PTPRD: variants seen among roughly 807,000 people sequenced by gnomAD.
PTPRD encodes the protein receptor-type tyrosine-protein phosphatase delta.
PTPRD carries 34 observed loss-of-function variants against 214.5 expected under a neutral mutation model. That is an observed-to-expected ratio of 0.16 (90% CI 0.12 to 0.21). The LOEUF is 0.21. Ranked by LOEUF, PTPRD falls within the 10% of genes least tolerant of loss-of-function variation. The pLI is 1.00. For synonymous variants in PTPRD, 1,128 were observed against 845.7 expected (o/e 1.33, Z -5.79); for missense variants, 2,545 against 2,398.7 (o/e 1.06, Z -1.27).
intron 10 of PTPRD, among the ~76,000 whole-genome samples, chr9:9,048,024 A>G (rs910941438): frequency 9.2e-5 from 14 of 152,204 alleles, no homozygotes; most frequent in African/African-American, 3.4e-4. Context: ...AAATGCATAC[A>G]CATGGCAAAC....
chr9:10,518,734 G>A (rs566298979), intron 2 of PTPRD, among the ~76,000 whole-genome samples: 76 of 148,142 alleles, frequency 5.1e-4, no homozygotes, highest in East Asian at 1.6e-3. Flanking sequence ...GGGTTTTACC[G>A]TGTTAGCCAA....
chr9:10,552,234 T>C (rs145986295), intron 2 of PTPRD, among the ~76,000 whole-genome samples: 2,795 of 149,966 alleles, frequency 0.019, 34 homozygotes, highest in South Asian at 0.045. Context: ...TCGACACTAA[T>C]AGAACAGAAA....
At chr9:9,584,285 T>C (rs2091474809) in intron 7 of PTPRD, among the ~76,000 whole-genome samples, 1 of 151,756 alleles carries the variant, frequency 6.6e-6, no homozygotes, top group Non-Finnish European at 1.5e-5. Flanking sequence ...ATTTAGATGA[T>C]GCTTCATAAA....
At chr9:9,574,068 C>A (rs2087527264) in intron 8 of PTPRD, among the ~76,000 whole-genome samples, 1 of 151,644 alleles carries the variant, frequency 6.6e-6, no homozygotes, top group South Asian at 2.1e-4. Flanking sequence ...AACAGATAAA[C>A]TCTGAAAGTT....
intron 8 of PTPRD, among the ~76,000 whole-genome samples, chr9:9,534,243 CT>C (rs1267051304): frequency 2.0e-5 from 3 of 151,972 alleles, no homozygotes; most frequent in Non-Finnish European, 4.4e-5. Flanking sequence ...TATAGATATT[CT>C]TATGATCTGT....
At chr9:10,237,503 C>T (rs1167775076) in intron 3 of PTPRD, among the ~76,000 whole-genome samples, 3 of 151,892 alleles carry the variant, frequency 2.0e-5, no homozygotes, top group Admixed American at 6.6e-5. Context: ...TATTCAGCAA[C>T]ATTTACTGCT....
At chr9:8,953,085 T>C (rs1488638093) in intron 11 of PTPRD, among the ~76,000 whole-genome samples, 1 of 151,780 alleles carries the variant, frequency 6.6e-6, no homozygotes, top group Non-Finnish European at 1.5e-5. Flanking sequence ...TTTTTTTAGA[T>C]AAAATATATG....
chr9:9,100,984 T>G (rs2099790434), intron 10 of PTPRD, among the ~76,000 whole-genome samples: 2 of 143,034 alleles, frequency 1.4e-5, no homozygotes, highest in South Asian at 4.2e-4. Context: ...AGCAGATTTA[T>G]TTTGTTAATT....
intron 11 of PTPRD, among the ~76,000 whole-genome samples, chr9:9,017,828 AG>A (rs2099542793): frequency 6.6e-6 from 1 of 152,140 alleles, no homozygotes; most frequent in Admixed American, 6.6e-5. Flanking sequence ...TAAGTGAAAA[AG>A]CAAAAATTTA....
At chr9:9,955,756 C>G (rs1482301918) in intron 4 of PTPRD, among the ~76,000 whole-genome samples, 1 of 152,080 alleles carries the variant, frequency 6.6e-6, no homozygotes, top group Non-Finnish European at 1.5e-5. Context: ...ATCTCCTGAC[C>G]TCGTGATAGC....
At chr9:8,598,311 G>C (rs2094583324) in intron 14 of PTPRD, among the ~76,000 whole-genome samples, 1 of 151,974 alleles carries the variant, frequency 6.6e-6, no homozygotes, top group Admixed American at 6.6e-5. Flanking sequence ...AATTAGCCCA[G>C]TATGGTGGCA....
intron 3 of PTPRD, among the ~76,000 whole-genome samples, chr9:10,322,310 A>G (rs1039289478): frequency 1.3e-5 from 2 of 152,094 alleles, no homozygotes; most frequent in Non-Finnish European, 2.9e-5. Context: ...GGAAACCACA[A>G]AACAACAAAT....
chr9:10,500,528 A>T (rs1292421135), intron 2 of PTPRD, among the ~76,000 whole-genome samples: 1 of 151,916 alleles, frequency 6.6e-6, no homozygotes, highest in Non-Finnish European at 1.5e-5. Flanking sequence ...CCCATCAAGC[A>T]TTTATCCTTT....
In PTPRD at chr9:10,143,851, G is replaced by C. The variant is rs566402475; in HGVS notation, c.-544-110061C>G. On this transcript the variant is annotated intron_variant, in intron 3 of 45. Coordinates refer to ENST00000381196, the MANE Select transcript of PTPRD (RefSeq NM_002839.4). The stretch of plus-strand genomic sequence containing the variant: ...TCTCACTTGTAGGTGGGAACTAATC[G>C]TTGAGTACACATGAAAGTAAAGATG... Among the ~76,000 whole-genome samples, 20 of 152,174 alleles carry C rather than the reference G, an allele frequency of 1.3e-4. No individual in the cohort carries two copies. The South Asian group carries it at 4.1e-3, about 32-fold the overall frequency.
chr9:9,318,374 A>G (rs1296195300), intron 9 of PTPRD, among the ~76,000 whole-genome samples: 2 of 152,118 alleles, frequency 1.3e-5, no homozygotes, highest in Non-Finnish European at 2.9e-5. Flanking sequence ...ATCTGAATTG[A>G]CTGATATTTT....
intron 11 of PTPRD, among the ~76,000 whole-genome samples, chr9:8,774,271 A>T (rs896263125): frequency 6.6e-6 from 1 of 152,100 alleles, no homozygotes; most frequent in African/African-American, 2.4e-5. Flanking sequence ...TTTAGGTAGC[A>T]TACCTTATAA....
chr9:9,990,124 G>C (rs567786652), intron 4 of PTPRD, among the ~76,000 whole-genome samples: 2 of 152,284 alleles, frequency 1.3e-5, no homozygotes, highest in East Asian at 3.9e-4. Flanking sequence ...TCTTTCTATG[G>C]ATGAAAGGAA....
intron 5 of PTPRD, among the ~76,000 whole-genome samples, chr9:9,877,083 C>A (rs750161330): frequency 1.1e-4 from 17 of 152,048 alleles, no homozygotes; most frequent in Non-Finnish European, 1.9e-4. Flanking sequence ...AGCATCCAGG[C>A]ACCAAAAAGA....
At chr9:10,055,906 G>A (rs192359465) in intron 3 of PTPRD, among the ~76,000 whole-genome samples, 3 of 151,662 alleles carry the variant, frequency 2.0e-5, no homozygotes, top group East Asian at 1.9e-4. Flanking sequence ...AAATGAGTGT[G>A]TGTGTACTTA....
Sources: allele counts gnomAD v4.1 joint callset (sites outside exome capture counted in the v4.1 genomes callset), GRCh38; gene constraint gnomAD v4.1.1; transcripts MANE v1.5; gene names NCBI Gene and HGNC (gene_info 2026-07-23, HGNC 2026-07-21).